Variants in PCNX1 observed in about 807,000 individuals in gnomAD.
PCNX1 encodes pecanex 1.
Under a neutral mutation model 242.2 loss-of-function variants are expected in PCNX1, and 78 were observed. That is an observed-to-expected ratio of 0.32 (90% CI 0.27 to 0.39). The LOEUF (loss-of-function observed/expected upper bound fraction) is 0.39. Ranked by LOEUF, PCNX1 falls within the 10% of genes least tolerant of loss-of-function variation. The pLI is 1.00. For missense variants in PCNX1, 2,581 were observed against 2,856.5 expected (o/e 0.90, Z 2.20); for synonymous variants, 1,024 against 1,032.9 (o/e 0.99, Z 0.17).
At chr14:71,076,692 A>G (rs2061728167) in intron 28 of PCNX1, among the ~76,000 whole-genome samples, 1 of 152,224 alleles carries the variant, frequency 6.6e-6, no homozygotes, top group African/African-American at 2.4e-5. Flanking sequence ...AGGCATGCAC[A>G]TACATTCACA....
At chr14:70,949,356 TATATAC>T (rs1450112986) in intron 2 of PCNX1, among the ~76,000 whole-genome samples, 1 of 146,144 alleles carries the variant, frequency 6.8e-6, no homozygotes, top group East Asian at 2.0e-4. Context: ...CGCACGTGCA[TATATAC>T]ATATATAGAC....
chr14:70,949,295 G>GCACACGTGTA (rs1566608700), intron 2 of PCNX1, among the ~76,000 whole-genome samples: 1 of 106,506 alleles, frequency 9.4e-6, no homozygotes, highest in African/African-American at 3.4e-5. Flanking sequence ...ACACACGTGT[G>GCACACGTGTA]TACACACATA....
In PCNX1 at chr14:71,045,295, A is replaced by G. The variant is rs1480920729; in HGVS notation, c.4018+12A>G. ...GTATGAAGTTCGAAGTAAGTATTTC[A>G]TTAGCACTTTTTCTTTTTAATACTA... is the stretch of plus-strand genomic sequence containing the variant. On this transcript the variant is annotated intron_variant, in intron 20 of 35. Transcript: ENST00000304743. 8 of 1,581,374 alleles carry G rather than the reference A, an allele frequency of 5.1e-6. No homozygotes were observed. Among genetic ancestry groups the G allele is most frequent in the Non-Finnish European group, 6.9e-6 (8 of 1,161,646 alleles).
chr14:71,013,072 T>C lies in PCNX1; in HGVS notation c.2866T>C (p.Leu956=), dbSNP rs1422742455. ...ACAGGACATTGATCTAAGCCCTGACTTGGCAGCTACTTACGGCCCAACAGA... is the reference window on the plus strand; with the variant it reads ...ACAGGACATTGATCTAAGCCCTGACCTGGCAGCTACTTACGGCCCAACAGA... ...EQQDIDLSPD[L]AATYGPTEEA... The change falls in exon 11 of 36, where the codon TTG becomes CTG. Residue 956 remains leucine, a synonymous_variant. Transcript: ENST00000304743. 1 of 1,614,144 alleles carries C rather than the reference T, an allele frequency of 6.2e-7. No individual in the cohort carries two copies. Among genetic ancestry groups the C allele is most frequent in the East Asian group, 2.2e-5 (1 of 44,884 alleles).
At position 71,019,314 on chromosome 14, in the gene PCNX1, G is replaced by A. The variant is rs966340614; in HGVS notation, c.3150+152G>A. ...AAGATTGTGTAGAGAGCAAAAGGGG[G>A]ATATAAACCTTAAAAATAATTGTAT... is the stretch of plus-strand genomic sequence containing the variant. On this transcript the variant is annotated intron_variant, in intron 12 of 35. Transcript: ENST00000304743. 30 of 547,530 alleles carry A rather than the reference G, an allele frequency of 5.5e-5. No homozygotes were observed. The Admixed American group carries it at 9.8e-4, about 18-fold the overall frequency. The allele number at this position is 547,530 out of a possible 1,614,324, so 33.9% of individuals were successfully genotyped here. A position where few individuals can be genotyped will look rare whatever the true frequency, so the allele number is the denominator to read the frequency against.
intron 35 of PCNX1, 24 bp downstream of exon 35, chr14:71,109,616 G>A (rs764567292): frequency 6.2e-7 from 1 of 1,613,566 alleles, no homozygotes; most frequent in African/African-American, 1.3e-5. Flanking sequence ...CAAGCTGGCG[G>A]TCTGGGGCTC....
chr14:70,977,936 T>G lies in PCNX1; in HGVS notation c.1599T>G (p.Val533=). 1 of 1,614,132 alleles carries G rather than the reference T, an allele frequency of 6.2e-7. No individual in the cohort carries two copies. Among genetic ancestry groups the G allele is most frequent in the Non-Finnish European group, 8.5e-7 (1 of 1,180,026 alleles). The part of the protein sequence containing the change: ...VSVDSKVRKD[V]GGKQKEGDVR... ...TGGATTCCAAAGTGCGTAAAGATGT[T>G]GGTGGAAAGCAAAAGGAAGGGGATG... is the stretch of plus-strand genomic sequence containing the variant. The change falls in exon 6 of 36, where the codon GTT becomes GTG. Residue 533 remains valine (V), a synonymous_variant. Transcript: ENST00000304743.
intron 26 of PCNX1, 124 bp downstream of exon 26, chr14:71,057,848 G>A (rs2061224939): frequency 1.4e-6 from 1 of 717,200 alleles, no homozygotes; most frequent in Non-Finnish European, 2.4e-6. Flanking sequence ...AATGAGAAAA[G>A]TTGTTAAAGA....
At position 70,909,141 on chromosome 14, in the gene PCNX1, T is replaced by C. The variant is rs145720239; in HGVS notation, c.153+1138T>C. On this transcript the variant is annotated intron_variant, in intron 1 of 35. Transcript: ENST00000304743. ...TGCAAAAGGTGAGGACACCCAATTC[T>C]TCCCTAAGTGAAGTTCAGTTTCACT... 3.5e-4 allele frequency among the ~76,000 whole-genome samples: 53 copies of C among 152,322 alleles called. 1 individual carries two copies. The East Asian group carries it at 7.1e-3, about 21-fold the overall frequency.
intron 5 of PCNX1, among the ~76,000 whole-genome samples, chr14:70,969,611 C>G (rs2058480368): frequency 1.3e-5 from 2 of 152,148 alleles, no homozygotes; most frequent in South Asian, 4.1e-4. Flanking sequence ...TTTGGAATTA[C>G]AGTACCCTAT....
intron 7 of PCNX1, among the ~76,000 whole-genome samples, chr14:70,994,396 G>GATAGATATATATAT (rs1555357306): frequency 3.1e-5 from 3 of 96,960 alleles, no homozygotes; most frequent in Non-Finnish European, 6.5e-5. Context: ...ACAGGCTTAA[G>GATAGATATATATAT]ATATATATAT....
intron 10 of PCNX1, chr14:71,012,632 C>T: frequency 3.4e-6 from 1 of 290,628 alleles, no homozygotes; most frequent in South Asian, 3.1e-5. Context: ...GAGTTCAAGA[C>T]CAGCCTGGCC....
chr14:71,012,277 T>C (rs1347236301), intron 10 of PCNX1: 1 of 153,214 alleles, frequency 6.5e-6, no homozygotes, highest in Admixed American at 6.5e-5. Context: ...ACACTGATAA[T>C]GAGGTTCAAA....
intron 26 of PCNX1, among the ~76,000 whole-genome samples, chr14:71,069,668 G>A (rs547145219): frequency 5.3e-5 from 8 of 152,266 alleles, no homozygotes; most frequent in African/African-American, 1.9e-4. Context: ...TAGCATTATG[G>A]CTAAAGAAAG....
At chr14:71,067,811 G>A (rs904945022) in intron 26 of PCNX1, among the ~76,000 whole-genome samples, 1 of 151,492 alleles carries the variant, frequency 6.6e-6, no homozygotes, top group Non-Finnish European at 1.5e-5. Flanking sequence ...TTGTGTCTTT[G>A]TTCTTATTGG....
intron 26 of PCNX1, among the ~76,000 whole-genome samples, chr14:71,058,064 A>G (rs1192525044): frequency 1.3e-5 from 2 of 152,196 alleles, no homozygotes; most frequent in African/African-American, 4.8e-5. Flanking sequence ...AGCAGCATGG[A>G]ATGCTGAATT....
chr14:70,943,889 G>T (rs1469887467), intron 1 of PCNX1, among the ~76,000 whole-genome samples: 1 of 152,210 alleles, frequency 6.6e-6, no homozygotes, highest in African/African-American at 2.4e-5. Flanking sequence ...GCTTCAGAGG[G>T]TGCAAGCATC....
intron 2 of PCNX1, among the ~76,000 whole-genome samples, chr14:70,954,612 G>C (rs1432061721): frequency 2.6e-5 from 4 of 152,050 alleles, no homozygotes; most frequent in Non-Finnish European, 5.9e-5. Context: ...ATTTATGCTA[G>C]TATAATTTTG....
At chr14:71,004,174 C>T (rs572332687) in intron 8 of PCNX1, among the ~76,000 whole-genome samples, 1 of 152,330 alleles carries the variant, frequency 6.6e-6, no homozygotes, top group South Asian at 2.1e-4. Flanking sequence ...ATTGTTGCAA[C>T]AGAGGTTATC....
Sources: allele counts gnomAD v4.1 joint callset (sites outside exome capture counted in the v4.1 genomes callset), GRCh38; gene constraint gnomAD v4.1.1; transcripts MANE v1.5; gene names NCBI Gene and HGNC (gene_info 2026-07-23, HGNC 2026-07-21).